USP31: variants seen among roughly 807,000 people sequenced by gnomAD.
USP31 encodes the protein ubiquitin carboxyl-terminal hydrolase 31.
Under a neutral mutation model 119.4 loss-of-function variants are expected in USP31, and 44 were observed. That is an observed-to-expected ratio of 0.37 (90% CI 0.29 to 0.47). USP31 has a LOEUF of 0.47. Among genes scored for constraint, USP31 ranks in the 20% least tolerant of loss-of-function variants. The pLI is 0.99. For synonymous variants in USP31, 749 were observed against 705.6 expected, an observed-to-expected ratio of 1.06 and a Z score of -0.97; for missense variants, 1,643 against 1,730.2, an observed-to-expected ratio of 0.95 and a Z score of 0.89.
At chr16:23,114,841 A>G (rs890367237) in intron 1 of USP31, among the ~76,000 whole-genome samples, 2 of 152,228 alleles carry the variant, frequency 1.3e-5, no homozygotes, top group Non-Finnish European at 2.9e-5. Flanking sequence ...AAATCTTAAT[A>G]ACACAAACAC....
Position 23,149,214 on chromosome 16 carries a change from C to T in USP31, c.57G>A (p.Glu19=), listed in dbSNP as rs1903643450. ...ACAGCCGCTTGCTGAAGGAGCGCTT[C>T]TCCTTCCCGCTCGCCGCCGCCGGCG... is the stretch of plus-strand genomic sequence containing the variant. ...SGPPAAASGK[E]KRSFSKRLFR... The change falls in exon 1 of 16, where the codon GAG becomes GAA. Residue 19 remains glutamate (E), a synonymous_variant. Coordinates refer to ENST00000219689, the MANE Select transcript of USP31 (RefSeq NM_020718.4). The T allele has an allele frequency of 3.5e-6, 4 of 1,140,330 alleles. No homozygotes were observed. Among genetic ancestry groups the T allele is most frequent in the Admixed American group, 1.0e-4 (2 of 19,708 alleles). The allele number at this position is 1,140,330 out of a possible 1,614,324, so 70.6% of individuals were successfully genotyped here. A position where few individuals can be genotyped will look rare whatever the true frequency, so the allele number is the denominator to read the frequency against.
intron 6 of USP31, among the ~76,000 whole-genome samples, chr16:23,095,648 G>A (rs190870151): frequency 6.6e-4 from 101 of 152,276 alleles, no homozygotes; most frequent in Admixed American, 6.1e-3. Flanking sequence ...ACAGCAGATC[G>A]CTCTGCAGAA....
In USP31 at chr16:23,066,008, A is replaced by C. The variant is rs186291095; in HGVS notation, c.*2038T>G. On this transcript the variant is annotated 3_prime_UTR_variant, in exon 16 of 16. Coordinates refer to ENST00000219689, the MANE Select transcript of USP31 (RefSeq NM_020718.4). ...GATAAAAGCGATACAGAAAAACGAG[A>C]GCGGTGGCTACACACTGATGGGGCT... 3 of 152,198 alleles carry C rather than the reference A, an allele frequency of 2.0e-5. No homozygotes were observed. The highest frequency in any genetic ancestry group is 7.2e-5 in the African/African-American group (3 of 41,452). The allele number at this position is 152,198 out of a possible 1,614,324, so 9.4% of individuals were successfully genotyped here.
At chr16:23,074,969 G>C (rs1046587733) in intron 13 of USP31, among the ~76,000 whole-genome samples, 15 of 152,200 alleles carry the variant, frequency 9.9e-5, no homozygotes, top group African/African-American at 3.4e-4. Context: ...TGGCCCCAGG[G>C]ATGGGGCAGA....
chr16:23,126,750 G>A (rs1378234506), intron 1 of USP31, among the ~76,000 whole-genome samples: 2 of 152,068 alleles, frequency 1.3e-5, no homozygotes, highest in African/African-American at 4.8e-5. Flanking sequence ...ATTATAAGGA[G>A]CAAATAAAAT....
chr16:23,101,836 A>C (rs1026305736), intron 6 of USP31, among the ~76,000 whole-genome samples: 5 of 152,122 alleles, frequency 3.3e-5, no homozygotes, highest in African/African-American at 1.2e-4. Context: ...CAGTAAGAGG[A>C]AAAATACTGT....
intron 14 of USP31, among the ~76,000 whole-genome samples, chr16:23,072,709 C>T (rs185524438): frequency 6.6e-6 from 1 of 152,134 alleles, no homozygotes; most frequent in East Asian, 1.9e-4. Context: ...TCTGCCCTGT[C>T]TGTTCCAGGG....
chr16:23,123,311 A>G (rs990692501), intron 1 of USP31, among the ~76,000 whole-genome samples: 5 of 152,106 alleles, frequency 3.3e-5, no homozygotes, highest in African/African-American at 1.2e-4. Flanking sequence ...GCCGAGGTGG[A>G]TGGATCACCT....
Position 23,068,007 on chromosome 16 carries a change from A to G in USP31, c.*39T>C. On this transcript the variant is annotated 3_prime_UTR_variant, in exon 16 of 16. Transcript: ENST00000219689. The stretch of plus-strand genomic sequence containing the variant: ...GGGAGGGCAGGGGTTCTAAATAAAT[A>G]AACATCTTTACAGATAAAACACTTT... 1 of 1,555,706 alleles carries G rather than the reference A, an allele frequency of 6.4e-7. No individual in the cohort carries two copies. The highest frequency in any genetic ancestry group is 2.3e-5 in the East Asian group (1 of 44,396).
chr16:23,101,575 C>T (rs966313896), intron 6 of USP31, among the ~76,000 whole-genome samples: 31 of 152,182 alleles, frequency 2.0e-4, no homozygotes, highest in Middle Eastern at 6.8e-3. Context: ...GGCTTGTTTA[C>T]CAGAGTTTCT....
Position 23,080,009 on chromosome 16 carries a change from A to G in USP31, c.2113T>C (p.Tyr705His). The change falls in exon 13 of 16, where the codon TAC (tyrosine) becomes CAC (histidine). Residue 705 changes from tyrosine (Y) to histidine (H), a missense_variant. By Grantham distance (83) the Tyr-to-His change is moderately conservative (BLOSUM62 2). This residue lies in a region of USP31 where 279 missense variants were observed against 372.2 expected (regional missense o/e 0.75). Coordinates refer to ENST00000219689, the MANE Select transcript of USP31 (RefSeq NM_020718.4). ...PYGLGRDPED[Y>H]IYDLYAVCNH... is the part of the protein sequence containing the mutation. ...CACACAGCATACAGGTCATAGATGTAGTCCTCAGGGTCCCTCCCGAGTCCA... is the reference window on the plus strand; with the variant it reads ...CACACAGCATACAGGTCATAGATGTGGTCCTCAGGGTCCCTCCCGAGTCCA... The G allele has an allele frequency of 6.2e-7, 1 of 1,614,148 alleles. No homozygotes were observed.
chr16:23,132,736 T>G (rs1323124404), intron 1 of USP31, among the ~76,000 whole-genome samples: 4 of 152,172 alleles, frequency 2.6e-5, no homozygotes, highest in Non-Finnish European at 5.9e-5. Context: ...TTAATAAAAG[T>G]TTTCTTGGGA....
At chr16:23,093,402 T>C (rs1901457475) in intron 6 of USP31, among the ~76,000 whole-genome samples, 1 of 152,152 alleles carries the variant, frequency 6.6e-6, no homozygotes, top group South Asian at 2.1e-4. Context: ...AAAGAGAATA[T>C]ATAAATGGCC....
chr16:23,128,580 A>G (rs1421486379), intron 1 of USP31, among the ~76,000 whole-genome samples: 2 of 152,240 alleles, frequency 1.3e-5, no homozygotes, highest in African/African-American at 2.4e-5. Flanking sequence ...AATTTACTTC[A>G]GGGAAACCAA....
intron 11 of USP31, among the ~76,000 whole-genome samples, chr16:23,083,171 G>A (rs1043439691): frequency 6.6e-6 from 1 of 152,060 alleles, no homozygotes; most frequent in Non-Finnish European, 1.5e-5. Flanking sequence ...CTGGATACTG[G>A]AATTATTTAG....
At chr16:23,093,848 C>T (rs759923876) in intron 6 of USP31, among the ~76,000 whole-genome samples, 12 of 152,180 alleles carry the variant, frequency 7.9e-5, no homozygotes, top group Non-Finnish European at 1.3e-4. Flanking sequence ...GAATACTGTT[C>T]GGCCATTAAA....
Position 23,087,113 on chromosome 16 carries a change from A to G in USP31, c.1601T>C (p.Leu534Ser). ...TTACCTTTCTACTATTGGGTGGCAC[A>G]AGGGCTGCTCCTCCTGGGGCAGCAA... is the stretch of plus-strand genomic sequence containing the variant. ...TYLLPQEEQPLCHPIVERALK... is the reference protein window; with the variant it reads ...TYLLPQEEQPSCHPIVERALK... The change falls in exon 9 of 16, where the codon TTG (leucine) becomes TCG (serine). Residue 534 changes from leucine to serine, a missense_variant. By Grantham distance (145) the Leu-to-Ser change is moderately radical. Around this residue, in one of 5 missense-constraint regions of USP31, gnomAD observed 219 missense variants for 226.4 expected, o/e 0.97. Coordinates refer to ENST00000219689, the MANE Select transcript of USP31 (RefSeq NM_020718.4). The G allele has an allele frequency of 5.6e-6, 9 of 1,613,484 alleles. No individual in the cohort carries two copies. Among genetic ancestry groups the G allele is most frequent in the Non-Finnish European group, 6.8e-6 (8 of 1,179,766 alleles).
chr16:23,097,739 A>G (rs1901674456), intron 6 of USP31, among the ~76,000 whole-genome samples: 2 of 152,244 alleles, frequency 1.3e-5, no homozygotes. Context: ...GATTATCTCA[A>G]TAGATGCAGA....
At chr16:23,098,033 G>C (rs1901689644) in intron 6 of USP31, among the ~76,000 whole-genome samples, 1 of 152,186 alleles carries the variant, frequency 6.6e-6, no homozygotes, top group South Asian at 2.1e-4. Context: ...AAGTCAAATT[G>C]TCCCTGTTTG....
Sources: gnomAD v4.1 joint callset for allele counts (sites outside exome capture counted in the v4.1 genomes callset) on GRCh38, gnomAD v4.1.1 for gene constraint, gnomAD v4.1.1 regional missense constraint, MANE v1.5 for transcripts, NCBI Gene and HGNC (gene_info 2026-07-23, HGNC 2026-07-21) for gene names.